Variants in CNTNAP4 observed in about 807,000 individuals in gnomAD.
The protein encoded by CNTNAP4 is contactin-associated protein-like 4.
Under a neutral mutation model 148.4 loss-of-function variants are expected in CNTNAP4, and 98 were observed. The ratio of observed to expected loss-of-function variants is 0.66; its 90% CI spans 0.56 to 0.78. CNTNAP4 has a LOEUF of 0.78. Ranked by LOEUF, CNTNAP4 falls within the 30% of genes least tolerant of loss-of-function variation. CNTNAP4 has a pLI of 0.00. For synonymous variants in CNTNAP4, 730 were observed against 565.1 expected (o/e 1.29, Z -4.14); for missense variants, 1,935 against 1,565.6 (o/e 1.24, Z -3.98).
At chr16:76,484,951 T>C (rs1028170962) in intron 12 of CNTNAP4, among the ~76,000 whole-genome samples, 1 of 152,122 alleles carries the variant, frequency 6.6e-6, no homozygotes, top group Non-Finnish European at 1.5e-5. Flanking sequence ...CTCTAAGCAT[T>C]ATAAGCTAAA....
At chr16:76,544,073 G>A (rs549561358) in intron 21 of CNTNAP4, among the ~76,000 whole-genome samples, 3 of 152,184 alleles carry the variant, frequency 2.0e-5, no homozygotes, top group South Asian at 2.1e-4. Context: ...CCTTTGTATC[G>A]ACATGAGTGT....
intron 3 of CNTNAP4, among the ~76,000 whole-genome samples, chr16:76,362,112 A>C (rs1371313244): frequency 1.3e-5 from 2 of 152,128 alleles, no homozygotes; most frequent in Non-Finnish European, 2.9e-5. Context: ...ACTAACGATA[A>C]ATGATCCAAA....
intron 13 of CNTNAP4, among the ~76,000 whole-genome samples, chr16:76,490,487 C>T (rs1046737008): frequency 1.3e-5 from 2 of 151,444 alleles, no homozygotes; most frequent in Non-Finnish European, 2.9e-5. Flanking sequence ...ATGTCAGAGC[C>T]TCTGTTTCCA....
At chr16:76,513,226 G>C (rs2083097631) in intron 15 of CNTNAP4, among the ~76,000 whole-genome samples, 1 of 152,082 alleles carries the variant, frequency 6.6e-6, no homozygotes, top group African/African-American at 2.4e-5. Context: ...TGTGGTGGTG[G>C]GTGCTTAGAG....
chr16:76,441,833 A>G (rs747953245), intron 4 of CNTNAP4, among the ~76,000 whole-genome samples: 1 of 152,176 alleles, frequency 6.6e-6, no homozygotes, highest in Non-Finnish European at 1.5e-5. Flanking sequence ...GTTAATATTC[A>G]TTTATTGCTA....
In CNTNAP4 at chr16:76,375,734, G is replaced by T. The variant is rs143505904; in HGVS notation, c.390+20223G>T. ...ACATTGTCTCATTTTCTGCAGGGAA[G>T]TTTACATTGGCTATATGGAAATAGT... On this transcript the variant is annotated intron_variant, in intron 3 of 23. Transcript: ENST00000611870. 7.8e-4 allele frequency among the ~76,000 whole-genome samples: 119 copies of T among 152,302 alleles called. No homozygotes were observed. In the East Asian group the frequency reaches 0.018, roughly 23 times the overall value.
intron 4 of CNTNAP4, among the ~76,000 whole-genome samples, chr16:76,443,958 G>A (rs573980463): frequency 8.5e-5 from 13 of 152,094 alleles, no homozygotes; most frequent in African/African-American, 1.9e-4. Context: ...TTTTCAGTTC[G>A]CAATGTTAAA....
chr16:76,389,607 C>G (rs1307087457), intron 3 of CNTNAP4, among the ~76,000 whole-genome samples: 1 of 152,088 alleles, frequency 6.6e-6, no homozygotes, highest in Non-Finnish European at 1.5e-5. Context: ...GAATGTGCCA[C>G]CAAGCCCAAC....
At chr16:76,405,122 A>G (rs1041528849) in intron 3 of CNTNAP4, among the ~76,000 whole-genome samples, 23 of 152,220 alleles carry the variant, frequency 1.5e-4, no homozygotes, top group African/African-American at 2.4e-5. Flanking sequence ...ATGACACAGA[A>G]TTAAGATTGC....
intron 23 of CNTNAP4, among the ~76,000 whole-genome samples, chr16:76,556,601 C>T (rs1215654349): frequency 6.6e-6 from 1 of 152,092 alleles, no homozygotes; most frequent in Non-Finnish European, 1.5e-5. Flanking sequence ...TGAAATTGTT[C>T]AGAATCTTTC....
At chr16:76,339,346 C>T (rs564637088) in intron 2 of CNTNAP4, among the ~76,000 whole-genome samples, 8 of 152,088 alleles carry the variant, frequency 5.3e-5, no homozygotes, top group South Asian at 2.1e-4. Context: ...AAAGCTACTA[C>T]GATAGGTTAT....
rs1233795117 is a variant in CNTNAP4, at chr16:76,560,257, C to T, written c.*1574C>T. Among the ~76,000 whole-genome samples, 1 of 152,162 alleles carries T rather than the reference C, an allele frequency of 6.6e-6. No homozygotes were observed. Among genetic ancestry groups the T allele is most frequent in the African/African-American group, 2.4e-5 (1 of 41,460 alleles). The stretch of plus-strand genomic sequence containing the variant: ...AAATATGTAAATTTAGCATTACTAT[C>T]ATCTTATTTTCTATATTTTCCTTGT... On this transcript the variant is annotated 3_prime_UTR_variant, in exon 24 of 24. Transcript: ENST00000611870.
chr16:76,513,808 G>C (rs1008456821), intron 15 of CNTNAP4, among the ~76,000 whole-genome samples: 1 of 152,148 alleles, frequency 6.6e-6, no homozygotes, highest in African/African-American at 2.4e-5. Flanking sequence ...TGAATATCAA[G>C]TGACTTTTGA....
At chr16:76,499,466 G>A (rs1410664699) in intron 15 of CNTNAP4, among the ~76,000 whole-genome samples, 1 of 151,662 alleles carries the variant, frequency 6.6e-6, no homozygotes, top group Non-Finnish European at 1.5e-5. Flanking sequence ...TGGTAATTCA[G>A]CCAGACTTCC....
intron 3 of CNTNAP4, among the ~76,000 whole-genome samples, chr16:76,376,508 A>G (rs2015431961): frequency 6.6e-6 from 1 of 152,234 alleles, no homozygotes; most frequent in South Asian, 2.1e-4. Context: ...AGGACCTTTC[A>G]TATGCAAAGA....
At chr16:76,371,065 G>C (rs1325366152) in intron 3 of CNTNAP4, among the ~76,000 whole-genome samples, 1 of 152,160 alleles carries the variant, frequency 6.6e-6, no homozygotes, top group African/African-American at 2.4e-5. Flanking sequence ...TCGACACTGA[G>C]TAAGTAGAGT....
chr16:76,511,874 T>C (rs1466827567), intron 15 of CNTNAP4, among the ~76,000 whole-genome samples: 1 of 138,192 alleles, frequency 7.2e-6, no homozygotes, highest in Admixed American at 7.3e-5. Flanking sequence ...AATAATCAAT[T>C]GAAATATGTG....
intron 15 of CNTNAP4, among the ~76,000 whole-genome samples, chr16:76,500,101 G>C (rs1438158209): frequency 6.6e-6 from 1 of 152,144 alleles, no homozygotes. Context: ...TGGCGGCGGG[G>C]CAGAGGGGCT....
chr16:76,306,679 C>G (rs1259530658), intron 1 of CNTNAP4, among the ~76,000 whole-genome samples: 1 of 152,170 alleles, frequency 6.6e-6, no homozygotes, highest in Non-Finnish European at 1.5e-5. Flanking sequence ...ATTTATCACA[C>G]TGACTAATTT....
Sources: allele counts gnomAD v4.1 joint callset (sites outside exome capture counted in the v4.1 genomes callset), GRCh38; gene constraint gnomAD v4.1.1; transcripts MANE v1.5; gene names NCBI Gene and HGNC (gene_info 2026-07-23, HGNC 2026-07-21).